The following BANK1 variants were observed in gnomAD, a reference collection of about 807,000 sequenced individuals.
BANK1 encodes B cell scaffold protein with ankyrin repeats 1.
BANK1 carries 95 observed loss-of-function variants against 94.5 expected under a neutral mutation model. That is an observed-to-expected ratio of 1.00 (90% CI 0.85 to 1.19). The LOEUF is 1.19. Among genes scored for constraint, BANK1 ranks in the 50% most tolerant of loss-of-function variants. The pLI, the probability that BANK1 is intolerant of heterozygous loss-of-function variation, is 0.00. For synonymous variants in BANK1, 334 were observed against 308.4 expected (o/e 1.08, Z -0.87); for missense variants, 987 against 932.2 (o/e 1.06, Z -0.77).
rs1185033502 is a variant in BANK1 at position 101,917,986 on chromosome 4, C to T, written c.1010-7C>T. ...ACATTAAATCCTACTACTTCTTATG[C>T]TTACAGATACTCATTTCAAAGAACT... On this transcript the variant is annotated splice_region_variant and splice_polypyrimidine_tract_variant and intron_variant, in intron 6 of 16. Coordinates refer to ENST00000322953, the MANE Select transcript of BANK1 (RefSeq NM_017935.5). The T allele has an allele frequency of 1.3e-6, 2 of 1,591,482 alleles. No homozygotes were observed. The highest frequency in any genetic ancestry group is 1.3e-5 in the African/African-American group (1 of 74,326).
chr4:101,906,687 C>T (rs901433524), intron 6 of BANK1, among the ~76,000 whole-genome samples: 1 of 152,146 alleles, frequency 6.6e-6, no homozygotes, highest in Non-Finnish European at 1.5e-5. Context: ...TGAAACGAAC[C>T]AGACCCCACA....
At chr4:101,957,990 G>A (rs1174925677) in intron 7 of BANK1, among the ~76,000 whole-genome samples, 1 of 151,816 alleles carries the variant, frequency 6.6e-6, no homozygotes, top group Non-Finnish European at 1.5e-5. Context: ...GACTATAGGT[G>A]CCTGCCACCA....
rs1274483376 is a variant in BANK1, at chr4:102,073,745, GA to G, written c.*4del. The G allele has an allele frequency of 6.2e-7, 1 of 1,608,774 alleles. No homozygotes were observed. The highest frequency in any genetic ancestry group is 8.5e-7 in the Non-Finnish European group (1 of 1,176,398). ...TTCTGTTGCAAGAAAGATCATTAAA[GA>G]AGGTAAAATATTAGCTGTGTATATT... On this transcript the variant is annotated splice_region_variant and 3_prime_UTR_variant, in exon 16 of 17. Coordinates refer to ENST00000322953, the MANE Select transcript of BANK1 (RefSeq NM_017935.5).
intron 5 of BANK1, among the ~76,000 whole-genome samples, chr4:101,887,821 GA>G (rs1728910446): frequency 6.6e-6 from 1 of 152,112 alleles, no homozygotes; most frequent in Non-Finnish European, 1.5e-5. Flanking sequence ...ATTCAAAACA[GA>G]AAATTAAGTT....
chr4:101,895,329 G>C lies in BANK1; in HGVS notation c.928G>C (p.Val310Leu), dbSNP rs1200510684. The change falls in exon 6 of 17, where the codon GTC becomes CTC. Residue 310 changes from valine to leucine, a missense_variant. Coordinates refer to ENST00000322953, the MANE Select transcript of BANK1 (RefSeq NM_017935.5). ...GAATAGCATTGAAGAACTTGATGGT[G>C]TCCTTACATCCATATTCAAACATGA... ...CQNSIEELDG[V>L]LTSIFKHEIP... 1 of 1,586,316 alleles carries C rather than the reference G, an allele frequency of 6.3e-7. No homozygotes were observed. The highest frequency in any genetic ancestry group is 8.6e-7 in the Non-Finnish European group (1 of 1,166,100).
rs560383707 is a variant in BANK1, at chr4:102,070,052, C to A, written c.2213-1223C>A. ...GGCCTGCAGCAACCCCAATTCTTGT[C>A]TCCTCAGAAGAAAGAATTTGACAGA... On this transcript the variant is annotated intron_variant, in intron 13 of 16. Coordinates refer to ENST00000322953, the MANE Select transcript of BANK1 (RefSeq NM_017935.5). 6.7e-4 allele frequency among the ~76,000 whole-genome samples: 102 copies of A among 152,280 alleles called. 2 individuals are homozygous for A. In the South Asian group the frequency reaches 0.021, roughly 31 times the overall value.
intron 7 of BANK1, among the ~76,000 whole-genome samples, chr4:101,959,088 T>C (rs1451957157): frequency 6.6e-6 from 1 of 152,104 alleles, no homozygotes; most frequent in Non-Finnish European, 1.5e-5. Context: ...GATGTTTACT[T>C]TCAGTACTAA....
At chr4:101,796,160 A>G (rs1463020977) in intron 1 of BANK1, among the ~76,000 whole-genome samples, 2 of 152,236 alleles carry the variant, frequency 1.3e-5, no homozygotes, top group African/African-American at 2.4e-5. Context: ...AGAAACTGTG[A>G]TGAAAAAACT....
At chr4:102,050,822 C>CGT (rs1553945078) in intron 11 of BANK1, among the ~76,000 whole-genome samples, 1 of 151,868 alleles carries the variant, frequency 6.6e-6, no homozygotes, top group East Asian at 1.9e-4. Context: ...AATGAAAGAA[C>CGT]ATTTATTTTT....
At chr4:101,836,668 A>G (rs1204668513) in intron 2 of BANK1, among the ~76,000 whole-genome samples, 1 of 152,156 alleles carries the variant, frequency 6.6e-6, no homozygotes, top group Non-Finnish European at 1.5e-5. Context: ...TTACTGTGGG[A>G]TTCTTGTCAA....
intron 6 of BANK1, among the ~76,000 whole-genome samples, chr4:101,907,473 C>T (rs1471060941): frequency 6.6e-6 from 1 of 152,206 alleles, no homozygotes; most frequent in African/African-American, 2.4e-5. Flanking sequence ...AAACTGGAAG[C>T]ATTCCCTTTG....
intron 4 of BANK1, among the ~76,000 whole-genome samples, chr4:101,864,146 ATAAT>A (rs1395076049): frequency 2.0e-5 from 3 of 152,200 alleles, no homozygotes; most frequent in Non-Finnish European, 4.4e-5. Context: ...ACCAACTATC[ATAAT>A]TAAACTTATT....
intron 8 of BANK1, among the ~76,000 whole-genome samples, chr4:102,023,716 A>C (rs1726988406): frequency 6.6e-6 from 1 of 152,214 alleles, no homozygotes; most frequent in Non-Finnish European, 1.5e-5. Flanking sequence ...TACCATTCAG[A>C]TTCTGTTGCT....
At chr4:101,817,935 G>T (rs1725981883) in intron 1 of BANK1, among the ~76,000 whole-genome samples, 1 of 151,738 alleles carries the variant, frequency 6.6e-6, no homozygotes, top group South Asian at 2.1e-4. Context: ...GAAGTCAAAA[G>T]ATTGGATACC....
intron 9 of BANK1, among the ~76,000 whole-genome samples, chr4:102,029,528 A>C (rs1311234717): frequency 6.7e-6 from 1 of 148,252 alleles, no homozygotes; most frequent in Non-Finnish European, 1.5e-5. Context: ...TATAATATAT[A>C]AAATAATATA....
At chr4:101,995,916 G>C (rs930360353) in intron 7 of BANK1, among the ~76,000 whole-genome samples, 2 of 152,080 alleles carry the variant, frequency 1.3e-5, no homozygotes, top group African/African-American at 4.8e-5. Context: ...TCTGATGATA[G>C]TTTTTTTGCT....
At chr4:102,022,290 G>C (rs749199824) in intron 8 of BANK1, among the ~76,000 whole-genome samples, 2 of 152,028 alleles carry the variant, frequency 1.3e-5, no homozygotes, top group Non-Finnish European at 2.9e-5. Flanking sequence ...ATCTCAGTAA[G>C]TGAAAACTCC....
intron 11 of BANK1, among the ~76,000 whole-genome samples, chr4:102,053,382 A>C: frequency 6.6e-6 from 1 of 152,130 alleles, no homozygotes; most frequent in East Asian, 1.9e-4. Context: ...GTATTGAGCA[A>C]GTACTTTAAC....
intron 7 of BANK1, among the ~76,000 whole-genome samples, chr4:101,999,789 C>A (rs1725999583): frequency 6.6e-6 from 1 of 152,048 alleles, no homozygotes. Flanking sequence ...TCTCAGTGAC[C>A]TGGGACACTT....
Sources: gnomAD v4.1 joint callset for allele counts (sites outside exome capture counted in the v4.1 genomes callset) on GRCh38, gnomAD v4.1.1 for gene constraint, MANE v1.5 for transcripts, NCBI Gene and HGNC (gene_info 2026-07-23, HGNC 2026-07-21) for gene names.